Variants in AGBL5 observed in about 807,000 individuals in gnomAD.
The protein encoded by AGBL5 is cytosolic carboxypeptidase-like protein 5.
AGBL5 carries 51 observed loss-of-function variants against 88.0 expected under a neutral mutation model. The ratio of observed to expected loss-of-function variants is 0.58; its 90% CI spans 0.46 to 0.73. The LOEUF (loss-of-function observed/expected upper bound fraction) is 0.73, where lower values mean the gene tolerates loss of function less well. AGBL5 is among the 30% of genes least tolerant of loss of function. AGBL5 has a pLI of 0.00. For missense variants in AGBL5, 1,031 were observed against 1,162.2 expected (o/e 0.89, Z 1.64); for synonymous variants, 446 against 438.8 (o/e 1.02, Z -0.21).
intron 9 of AGBL5, among the ~76,000 whole-genome samples, chr2:27,057,674 G>C (rs892530186): frequency 2.0e-5 from 3 of 152,342 alleles, no homozygotes; most frequent in Middle Eastern, 6.8e-3. Context: ...GCACCTCTGA[G>C]TCAGATTCTT....
intron 12 of AGBL5, 62 bp from the exon 13 acceptor site, chr2:27,068,570 C>T: frequency 6.8e-7 from 1 of 1,476,236 alleles, no homozygotes; most frequent in Non-Finnish European, 9.4e-7. Context: ...AACCCTGATC[C>T]TTTGGAAGTT....
chr2:27,056,004 G>A lies in AGBL5; in HGVS notation c.1231G>A (p.Gly411Arg), dbSNP rs1558415298. ...SVWIMPQQSA[G>R]LEESAPDTIP... Reference sequence around the variant, plus strand: ...GTGGATTATGCCACAACAGTCTGCGGGGCTTGAAGAGTCAGCCCCTGATAC... The same window carrying A: ...GTGGATTATGCCACAACAGTCTGCGAGGCTTGAAGAGTCAGCCCCTGATAC... Residue 411 changes from glycine (G) to arginine (R), a missense_variant, in exon 7 of 15, where the codon GGG becomes AGG. Around this residue, in one of 2 missense-constraint regions of AGBL5, gnomAD observed 540 missense variants for 678.2 expected, o/e 0.80. Coordinates refer to ENST00000360131, the MANE Select transcript of AGBL5 (RefSeq NM_021831.6). 6.2e-7 allele frequency: 1 copy of A among 1,614,238 alleles called. No individual in the cohort carries two copies. Among genetic ancestry groups the A allele is most frequent in the Non-Finnish European group, 8.5e-7 (1 of 1,180,044 alleles).
At position 27,051,745 on chromosome 2, in the gene AGBL5, T is replaced by C. The variant is rs1444355067; in HGVS notation, c.-95T>C. 1.3e-5 allele frequency: 2 copies of C among 152,026 alleles called. No individual in the cohort carries two copies. The highest frequency in any genetic ancestry group is 4.8e-5 in the African/African-American group (2 of 41,370). The allele number at this position is 152,026 out of a possible 1,614,324, so 9.4% of individuals were successfully genotyped here. ...AGGGCCCGGGTGCCGGGGCCCAAGGTGCGGCCTCGCTAGCGGGAGAGGGAG... is the reference window on the plus strand; with the variant it reads ...AGGGCCCGGGTGCCGGGGCCCAAGGCGCGGCCTCGCTAGCGGGAGAGGGAG... On this transcript the variant is annotated 5_prime_UTR_variant, in exon 1 of 15. Transcript: ENST00000360131.
chr2:27,055,287 C>A (rs377598997), intron 6 of AGBL5, 34 bp downstream of exon 6: 68 of 1,602,482 alleles, frequency 4.2e-5, no homozygotes, highest in Non-Finnish European at 5.1e-6. Flanking sequence ...TGGACTGTTC[C>A]CATTTCCCCT....
rs1389115440 is a variant in AGBL5 at position 27,069,631 on chromosome 2, C to T, written c.2414C>T (p.Ser805Leu). 1 of 1,614,196 alleles carries T rather than the reference C, an allele frequency of 6.2e-7. No homozygotes were observed. Among genetic ancestry groups the T allele is most frequent in the Admixed American group, 1.7e-5 (1 of 60,028 alleles). The change falls in exon 14 of 15, where the codon TCA becomes TTA. Residue 805 changes from serine to leucine, a missense_variant. Physicochemically the swap from Ser to Leu is moderately radical, Grantham distance 145. This residue lies in a region of AGBL5 where 491 missense variants were observed against 484.0 expected (regional missense o/e 1.01). Transcript: ENST00000360131. ...ACTCGCAGAGGGATGAAAGGCTCTT[C>T]AGGCCCCACATCCCCTACCCCCCGG... ...PPTRRGMKGS[S>L]GPTSPTPRTR...
intron 6 of AGBL5, 85 bp downstream of exon 6, chr2:27,055,338 T>C (rs962620896): frequency 6.6e-7 from 1 of 1,520,504 alleles, no homozygotes; most frequent in African/African-American, 1.4e-5. Context: ...GCCTTCTGGC[T>C]TCTGTGTTCC....
intron 4 of AGBL5, chr2:27,054,266 TC>T (rs1447382739): frequency 1.7e-6 from 1 of 600,196 alleles, no homozygotes; most frequent in African/African-American, 1.9e-5. Flanking sequence ...CTCCACTCTT[TC>T]ACCTGCCCAG....
chr2:27,069,204 T>C (rs1269990155), intron 13 of AGBL5: 2 of 1,353,158 alleles, frequency 1.5e-6, no homozygotes, highest in African/African-American at 1.5e-5. Context: ...ACTGGATGGG[T>C]GAAGTGTACA....
In AGBL5 at chr2:27,056,291, G is replaced by C. The variant is rs113215228; in HGVS notation, c.1365+153G>C. On this transcript the variant is annotated intron_variant, in intron 7 of 14. Transcript: ENST00000360131. ...TGAAAAAGCTTTGAAGGGCCAAGAA[G>C]AGATGGCACAGGGGGATAATGTCTC... 487 of 743,952 alleles carry C rather than the reference G, an allele frequency of 6.5e-4. 3 individuals are homozygous for C. The African/African-American group carries it at 7.9e-3, about 12-fold the overall frequency. The allele number at this position is 743,952 out of a possible 1,614,324, so 46.1% of individuals were successfully genotyped here.
rs773065567 is a variant in AGBL5 at position 27,068,682 on chromosome 2, GT to G, written c.2294del (p.Val765GlufsTer7). The G allele has an allele frequency of 6.2e-7, 1 of 1,614,132 alleles. No homozygotes were observed. Among genetic ancestry groups the G allele is most frequent in the Middle Eastern group, 1.6e-4 (1 of 6,062 alleles). ...TGGAGACAAACCAGAGGCTGTCATGGTAATCGGGAAAGGTCTGCTAGGGACT... is the reference window on the plus strand; with the variant it reads ...TGGAGACAAACCAGAGGCTGTCATGGAATCGGGAAAGGTCTGCTAGGGACT... ...SSGDKPEAVM[V>X]IGKGLLGTGA... On this transcript the variant is annotated frameshift_variant, in exon 13 of 15. Coordinates refer to ENST00000360131, the MANE Select transcript of AGBL5 (RefSeq NM_021831.6). LOFTEE classifies it high-confidence loss of function.
At chr2:27,051,174 G>A (rs1409274166), upstream of AGBL5, 2 of 152,266 alleles carry the variant, frequency 1.3e-5, no homozygotes, top group African/African-American at 4.8e-5. Flanking sequence ...GAACAGTGCA[G>A]TGAACCTGTA....
chr2:27,070,520 G>A lies in AGBL5; in HGVS notation c.*257G>A. ...TATATTTTTATATTGGGGGGAGGGAGTAGAAAAGCAAGCCCCTATACTGGG... is the reference window on the plus strand; with the variant it reads ...TATATTTTTATATTGGGGGGAGGGAATAGAAAAGCAAGCCCCTATACTGGG... On this transcript the variant is annotated 3_prime_UTR_variant, in exon 15 of 15. Coordinates refer to ENST00000360131, the MANE Select transcript of AGBL5 (RefSeq NM_021831.6). The A allele has an allele frequency of 2.1e-6, 1 of 467,012 alleles. No homozygotes were observed. The highest frequency in any genetic ancestry group is 3.3e-5 in the South Asian group (1 of 30,680). The allele number at this position is 467,012 out of a possible 1,614,324, so 28.9% of individuals were successfully genotyped here.
intron 11 of AGBL5, among the ~76,000 whole-genome samples, chr2:27,064,752 CTTTTT>C (rs58558379): frequency 3.2e-5 from 2 of 62,762 alleles, no homozygotes; most frequent in Non-Finnish European, 5.4e-5. Flanking sequence ...GGTTTGGAAC[CTTTTT>C]TTTTTTTTTT....
At chr2:27,051,148 T>G (rs975018424), upstream of AGBL5, 1 of 152,264 alleles carries the variant, frequency 6.6e-6, no homozygotes, top group Admixed American at 6.5e-5. Flanking sequence ...GAACTGTGGT[T>G]GATCCACTGG....
At chr2:27,056,823 A>G (rs2148279165) in intron 8 of AGBL5, 31 bp downstream of exon 8, 1 of 1,570,486 alleles carries the variant, frequency 6.4e-7, no homozygotes, top group Middle Eastern at 1.8e-4. Context: ...TAGTTGATGA[A>G]ATAGCTTCCC....
At chr2:27,056,229 G>A (rs1313668737) in intron 7 of AGBL5, 91 bp downstream of exon 7, 5 of 1,404,914 alleles carry the variant, frequency 3.6e-6, no homozygotes, top group Admixed American at 2.0e-5. Flanking sequence ...ATAGCCTTAG[G>A]TAGCTTTCTG....
Position 27,070,126 on chromosome 2 carries a change from G to C in AGBL5, c.2524G>C (p.Ala842Pro). ...GGCCAGGCCCCCACGGCCCCGCTCTGCCCCTGCCTTTTCTCCTATATCCTG... is the reference window on the plus strand; with the variant it reads ...GGCCAGGCCCCCACGGCCCCGCTCTCCCCCTGCCTTTTCTCCTATATCCTG... ...PQARPPRPRS[A>P]PAFSPISCSL... is the part of the protein sequence containing the mutation. Residue 842 changes from alanine to proline, a missense_variant, in exon 15 of 15, where the codon GCC becomes CCC. Coordinates refer to ENST00000360131, the MANE Select transcript of AGBL5 (RefSeq NM_021831.6). 6 of 1,614,134 alleles carry C rather than the reference G, an allele frequency of 3.7e-6. No individual in the cohort carries two copies. The highest frequency in any genetic ancestry group is 5.1e-6 in the Non-Finnish European group (6 of 1,179,996).
intron 4 of AGBL5, 106 bp from the exon 5 acceptor site, chr2:27,054,524 G>T: frequency 9.0e-7 from 1 of 1,105,886 alleles, no homozygotes; most frequent in Non-Finnish European, 1.3e-6. Context: ...AGGCCCCAAA[G>T]GTTAGGGTGA....
At chr2:27,057,256 C>T (rs1399515588) in intron 8 of AGBL5, 47 bp from the exon 9 acceptor site, 4 of 1,575,110 alleles carry the variant, frequency 2.5e-6, no homozygotes, top group Non-Finnish European at 3.5e-6. Context: ...TGGTTCTGTC[C>T]TGGTATCTGT....
Sources: allele counts gnomAD v4.1 joint callset (sites outside exome capture counted in the v4.1 genomes callset), GRCh38; gene constraint gnomAD v4.1.1; regional missense constraint gnomAD v4.1.1; transcripts MANE v1.5; gene names NCBI Gene and HGNC (gene_info 2026-07-23, HGNC 2026-07-21).